Variants in MXRA8 observed in about 807,000 individuals in gnomAD.
MXRA8 encodes matrix remodeling associated 8.
Under a neutral mutation model 51.4 loss-of-function variants are expected in MXRA8, and 44 were observed. The ratio of observed to expected loss-of-function variants is 0.86; its 90% confidence interval spans 0.67 to 1.10. The LOEUF is 1.10. Among genes scored for constraint, MXRA8 ranks in the 50% least tolerant of loss-of-function variants. The pLI is 0.00. For synonymous variants in MXRA8, 369 were observed against 293.5 expected, an observed-to-expected ratio of 1.26 and a Z score of -2.63; for missense variants, 765 against 638.9, an observed-to-expected ratio of 1.20 and a Z score of -2.13.
In MXRA8 at chr1:1,353,283, T is replaced by C; in HGVS notation, c.*321A>G. On this transcript the variant is annotated 3_prime_UTR_variant, in exon 10 of 10. Coordinates refer to ENST00000309212, the MANE Select transcript of MXRA8 (RefSeq NM_032348.4). ...TGGGGCTGCCAGGTTCTGATGGGAG[T>C]GTCCTCCAGGAATGTCTTCAGGCCC... The C allele has an allele frequency of 1.3e-6, 2 of 1,543,866 alleles. No individual in the cohort carries two copies. The highest frequency in any genetic ancestry group is 1.4e-5 in the African/African-American group (1 of 72,850).
chr1:1,360,507 T>TGGGGGGGGGGGGGGGGGGGC, upstream of MXRA8, among the ~76,000 whole-genome samples: 1 of 147,738 alleles, frequency 6.8e-6, no homozygotes, highest in Non-Finnish European at 1.5e-5. Context: ...CGCTGGGGGG[T>TGGGGGGGGGGGGGGGGGGGC]GGTCTGCAGA....
At position 1,355,125 on chromosome 1, in the gene MXRA8, C is replaced by G; in HGVS notation, c.506G>C (p.Gly169Ala). 6.7e-7 allele frequency: 1 copy of G among 1,492,916 alleles called. No individual in the cohort carries two copies. The highest frequency in any genetic ancestry group is 8.8e-7 in the Non-Finnish European group (1 of 1,134,674). 92.5% of individuals were successfully genotyped at this position (1,492,916 alleles called of 1,614,324 possible). ...CGCCACCGCCAGCACCTCCTTCTCG[C>G]CGTCCCAGTAGGCGGGGGTGGCCGG... ...GPPATPAYWD[G>A]EKEVLAVARG... The change falls in exon 5 of 10, where the codon GGC becomes GCC. Residue 169 changes from glycine (G) to alanine (A), a missense_variant. By Grantham distance (60) the Gly-to-Ala change is moderately conservative. Coordinates refer to ENST00000309212, the MANE Select transcript of MXRA8 (RefSeq NM_032348.4).
upstream of MXRA8, among the ~76,000 whole-genome samples, chr1:1,361,072 A>G (rs1489183083): frequency 6.6e-6 from 1 of 151,930 alleles, no homozygotes; most frequent in African/African-American, 2.4e-5. Flanking sequence ...GGAAACACGA[A>G]CACAGACATG....
chr1:1,361,629 CAGGGTT>C, upstream of MXRA8: 1 of 382,588 alleles, frequency 2.6e-6, no homozygotes, highest in Non-Finnish European at 5.0e-6. Flanking sequence ...CCAACACAGA[CAGGGTT>C]AGGCTCGAGG....
At chr1:1,363,029 G>T (rs1644237546), upstream of MXRA8, among the ~76,000 whole-genome samples, 1 of 151,824 alleles carries the variant, frequency 6.6e-6, no homozygotes, top group African/African-American at 2.4e-5. Flanking sequence ...GTTGCAGTCA[G>T]CCGAGATTGC....
At chr1:1,357,261 C>G (rs915145453) in intron 1 of MXRA8, among the ~76,000 whole-genome samples, 2 of 152,220 alleles carry the variant, frequency 1.3e-5, no homozygotes, top group Non-Finnish European at 2.9e-5. Flanking sequence ...GCCGCCTCGG[C>G]ATCCACTCTG....
upstream of MXRA8, chr1:1,361,506 G>GCCAGGCGAGGCCTGAGGACGCGGCTT (rs1644221860): frequency 3.5e-6 from 2 of 565,308 alleles, no homozygotes; most frequent in Admixed American, 6.1e-5. Context: ...GACAGCAAAT[G>GCCAGGCGAGGCCTGAGGACGCGGCTT]CCAGGCGAGG....
At chr1:1,358,313 C>T (rs757260726) in intron 1 of MXRA8, 143 bp downstream of exon 1, 125 of 885,976 alleles carry the variant, frequency 1.4e-4, no homozygotes, top group Middle Eastern at 3.0e-4. Flanking sequence ...GCGGCTCTCC[C>T]GAGCGCCCCC....
At chr1:1,356,911 G>A (rs1644145802) in intron 1 of MXRA8, among the ~76,000 whole-genome samples, 1 of 152,116 alleles carries the variant, frequency 6.6e-6, no homozygotes, top group Non-Finnish European at 1.5e-5. Context: ...CTTGAGTGGG[G>A]AAGCCAGGGC....
chr1:1,354,082 G>C lies in MXRA8; in HGVS notation c.1170C>G (p.Phe390Leu). The change falls in exon 8 of 10, where the codon TTC becomes TTG. Residue 390 changes from phenylalanine (F) to leucine (L), a missense_variant. Coordinates refer to ENST00000309212, the MANE Select transcript of MXRA8 (RefSeq NM_032348.4). ...SKGKDVNLAEFAVAAGDQMLY... is the reference protein window; with the variant it reads ...SKGKDVNLAELAVAAGDQMLY... ...GCATCTGGTCCCCTGCAGCCACAGC[G>C]AACTCCGCCAAGTTAACATCCTTCC... 6.2e-7 allele frequency: 1 copy of C among 1,612,960 alleles called. No individual in the cohort carries two copies.
At chr1:1,356,324 C>T (rs1409791359) in intron 2 of MXRA8, among the ~76,000 whole-genome samples, 1 of 130,598 alleles carries the variant, frequency 7.7e-6, no homozygotes, top group African/African-American at 3.0e-5. Context: ...GAGTGGTGGG[C>T]CCCGAGGGCC....
upstream of MXRA8, chr1:1,359,499 T>A: frequency 1.0e-6 from 1 of 985,466 alleles, no homozygotes; most frequent in Non-Finnish European, 1.2e-6. Context: ...AGTGCATAGT[T>A]CCGCCCGCCC....
upstream of MXRA8, among the ~76,000 whole-genome samples, chr1:1,360,780 G>A (rs979779323): frequency 6.6e-6 from 1 of 152,138 alleles, no homozygotes; most frequent in Non-Finnish European, 1.5e-5. Flanking sequence ...CCGTCTCATT[G>A]GGAAGAAAAA....
chr1:1,360,060 G>C (rs997270018), upstream of MXRA8, among the ~76,000 whole-genome samples: 3 of 152,224 alleles, frequency 2.0e-5, no homozygotes, highest in South Asian at 2.1e-4. Context: ...GCAGTTTGGT[G>C]GGGGGACAGG....
chr1:1,362,574 G>C (rs1231862794), upstream of MXRA8, among the ~76,000 whole-genome samples: 1 of 151,936 alleles, frequency 6.6e-6, no homozygotes, highest in Non-Finnish European at 1.5e-5. Flanking sequence ...GAGGTCAGGA[G>C]TTCAAGACCA....
At chr1:1,356,758 A>G in intron 1 of MXRA8, 54 bp from the exon 2 acceptor site, 1 of 1,256,738 alleles carries the variant, frequency 8.0e-7, no homozygotes, top group Non-Finnish European at 1.0e-6. Flanking sequence ...CCCAGCCCCG[A>G]GACCCCCCAC....
chr1:1,362,414 G>A (rs34207949), upstream of MXRA8, among the ~76,000 whole-genome samples: 5,719 of 152,032 alleles, frequency 0.038, 785 homozygotes, highest in East Asian at 0.46. Flanking sequence ...CGGGCTGCCT[G>A]GTACACACAC....
chr1:1,356,986 C>T (rs1644146990), intron 1 of MXRA8, among the ~76,000 whole-genome samples: 1 of 151,832 alleles, frequency 6.6e-6, no homozygotes, highest in South Asian at 2.1e-4. Flanking sequence ...GTCACCGGGG[C>T]CACTCCACCT....
chr1:1,356,272 T>G (rs1569797151), intron 2 of MXRA8, among the ~76,000 whole-genome samples: 2 of 17,608 alleles, frequency 1.1e-4, no homozygotes, highest in Admixed American at 7.4e-4. Context: ...CGGGGAGACA[T>G]GGGGCCCAAG....
Sources: allele counts gnomAD v4.1 joint callset (sites outside exome capture counted in the v4.1 genomes callset), GRCh38; gene constraint gnomAD v4.1.1; transcripts MANE v1.5; gene names NCBI Gene and HGNC (gene_info 2026-07-23, HGNC 2026-07-21).